Variants in ACSL1 observed in about 807,000 individuals in gnomAD.
ACSL1 encodes long-chain-fatty-acid--CoA ligase 1.
A neutral mutation model predicts 98.4 loss-of-function variants in ACSL1; 41 were observed. That is an observed-to-expected ratio of 0.42 (90% CI 0.32 to 0.54). ACSL1 has a LOEUF of 0.54. ACSL1 is among the 20% of genes least tolerant of loss of function. ACSL1 has a pLI of 0.13. For missense variants in ACSL1, 734 were observed against 883.1 expected (o/e 0.83, Z 2.14); for synonymous variants, 316 against 322.7 (o/e 0.98, Z 0.22).
At chr4:184,813,440 C>G (rs999195807) in intron 1 of ACSL1, among the ~76,000 whole-genome samples, 2 of 152,174 alleles carry the variant, frequency 1.3e-5, no homozygotes, top group African/African-American at 4.8e-5. Flanking sequence ...GCTTTTTAGG[C>G]TGACGCAATC....
chr4:184,824,249 T>C (rs1164198912), intron 1 of ACSL1, among the ~76,000 whole-genome samples: 1 of 152,126 alleles, frequency 6.6e-6, no homozygotes. Context: ...GCTCAGCCTC[T>C]CGAGTAGCTG....
chr4:184,765,136 A>G (rs7654302), intron 14 of ACSL1, among the ~76,000 whole-genome samples: 1 of 152,176 alleles, frequency 6.6e-6, no homozygotes, highest in Non-Finnish European at 1.5e-5. Context: ...TTTAACTTCC[A>G]GTGGCCAAGC....
intron 2 of ACSL1, among the ~76,000 whole-genome samples, chr4:184,791,375 C>T (rs994236910): frequency 2.6e-5 from 4 of 152,202 alleles, no homozygotes. Flanking sequence ...GATGAACAGA[C>T]AGAAGCAAGC....
At chr4:184,809,666 G>A (rs1023318129) in intron 1 of ACSL1, among the ~76,000 whole-genome samples, 48 of 152,202 alleles carry the variant, frequency 3.2e-4, no homozygotes, top group Admixed American at 1.8e-3. Context: ...CGTGGTGGCA[G>A]GCGCCTGTAG....
rs1311797364 is a variant in ACSL1, at chr4:184,757,256, T to C, written c.1966A>G (p.Ile656Val). The change falls in exon 21 of 21, where the codon ATC (isoleucine) becomes GTC (valine). Residue 656 changes from isoleucine to valine, a missense_variant. Transcript: ENST00000281455. The surrounding 1 kb of genome is among the most constrained non-coding windows in gnomAD (Gnocchi z 4.5). The stretch of plus-strand genomic sequence containing the variant: ...GAAAATAATTCAGGGTGCAATGTGA[T>C]GCCTTTGACCTGCCAATAAACAAGG... ...GLKPFEQVKG[I>V]TLHPELFSID... The C allele has an allele frequency of 6.3e-7, 1 of 1,597,756 alleles. No individual in the cohort carries two copies. The highest frequency in any genetic ancestry group is 8.6e-7 in the Non-Finnish European group (1 of 1,167,356).
At chr4:184,811,652 G>A (rs1178878181) in intron 1 of ACSL1, among the ~76,000 whole-genome samples, 10 of 152,014 alleles carry the variant, frequency 6.6e-5, no homozygotes, top group African/African-American at 2.4e-4. Flanking sequence ...GGCTGGGCAG[G>A]GGGAGGAGGA....
chr4:184,800,310 C>T (rs897196067), intron 2 of ACSL1, among the ~76,000 whole-genome samples: 1 of 152,182 alleles, frequency 6.6e-6, no homozygotes, highest in African/African-American at 2.4e-5. Flanking sequence ...ACATCTGCCC[C>T]ATCCCTCTTT....
chr4:184,762,448 C>T lies in ACSL1; in HGVS notation c.1597G>A (p.Asp533Asn). 4 of 1,614,248 alleles carry T rather than the reference C, an allele frequency of 2.5e-6. No individual in the cohort carries two copies. Among genetic ancestry groups the T allele is most frequent in the Non-Finnish European group, 3.4e-6 (4 of 1,180,052 alleles). ...PAKTAEALDK[D>N]GWLHTGDIGK... ...ATGTCCCCTGTGTGTAACCAGCCGT[C>T]TTTGTCCAAAGCTTCTGCTGTTTTC... Residue 533 changes from aspartate (D) to asparagine (N), a missense_variant, in exon 17 of 21, where the codon GAC (aspartate) becomes AAC (asparagine). Asp to Asn is a conservative substitution (Grantham distance 23). Transcript: ENST00000281455.
chr4:184,766,793 C>A lies in ACSL1; in HGVS notation c.1129-37G>T. On this transcript the variant is annotated intron_variant, in intron 12 of 20. Coordinates refer to ENST00000281455, the MANE Select transcript of ACSL1 (RefSeq NM_001995.5). The surrounding 1 kb of genome is among the most constrained non-coding windows in gnomAD (Gnocchi z 4.8). ...AGACATGAGAAAGTTTTCACACCTA[C>A]TAGGATGGCCAGAGTCAAAGAGTGT... The A allele has an allele frequency of 4.4e-6, 7 of 1,592,412 alleles. No individual in the cohort carries two copies. The highest frequency in any genetic ancestry group is 6.0e-6 in the Non-Finnish European group (7 of 1,164,150).
At chr4:184,811,305 G>A (rs552696861) in intron 1 of ACSL1, among the ~76,000 whole-genome samples, 1,549 of 151,986 alleles carry the variant, frequency 0.01, 9 homozygotes, top group South Asian at 0.022. Context: ...GTAGAGACGG[G>A]GTTTCACCGT....
intron 1 of ACSL1, among the ~76,000 whole-genome samples, chr4:184,813,056 A>G (rs1457061965): frequency 6.6e-6 from 1 of 152,172 alleles, no homozygotes; most frequent in African/African-American, 2.4e-5. Flanking sequence ...AACAAAACAT[A>G]TAGCTCTCCT....
chr4:184,773,653 C>A lies in ACSL1; in HGVS notation c.841+10G>T, dbSNP rs1290975082. 8 of 1,609,764 alleles carry A rather than the reference C, an allele frequency of 5.0e-6. No homozygotes were observed. Among genetic ancestry groups the A allele is most frequent in the Admixed American group, 1.7e-5 (1 of 59,238 alleles). ...GCCATATGTAGAAGCAATTCTATCT[C>A]AAAACTCACCTGTAGTTCCACTTGT... is the stretch of plus-strand genomic sequence containing the variant. On this transcript the variant is annotated intron_variant, in intron 9 of 20. Coordinates refer to ENST00000281455, the MANE Select transcript of ACSL1 (RefSeq NM_001995.5). The surrounding 1 kb of genome is among the most constrained non-coding windows in gnomAD (Gnocchi z 4.3).
chr4:184,793,136 G>A (rs983289447), intron 2 of ACSL1, among the ~76,000 whole-genome samples: 1 of 151,270 alleles, frequency 6.6e-6, no homozygotes, highest in African/African-American at 2.4e-5. Flanking sequence ...CAGGCTTTAG[G>A]AGTCTTTTAT....
At chr4:184,820,019 G>T (rs1772934380) in intron 1 of ACSL1, among the ~76,000 whole-genome samples, 1 of 152,032 alleles carries the variant, frequency 6.6e-6, no homozygotes, top group Non-Finnish European at 1.5e-5. Flanking sequence ...CAATACCGAC[G>T]TCCAGCCATT....
At chr4:184,791,953 C>G (rs1768450019) in intron 2 of ACSL1, among the ~76,000 whole-genome samples, 1 of 152,184 alleles carries the variant, frequency 6.6e-6, no homozygotes, top group South Asian at 2.1e-4. Context: ...CAAGACAGGT[C>G]AACCACCTTG....
Position 184,757,861 on chromosome 4 carries a change from C to G in ACSL1, c.1842G>C (p.Lys614Asn), listed in dbSNP as rs775526639. 1.2e-6 allele frequency: 2 copies of G among 1,614,090 alleles called. No homozygotes were observed. Among genetic ancestry groups the G allele is most frequent in the Admixed American group, 3.3e-5 (2 of 60,012 alleles). The change falls in exon 19 of 21, where the codon AAG becomes AAC. Residue 614 changes from lysine to asparagine, a missense_variant. Transcript: ENST00000281455. This position sits in a 1 kb window ranked among gnomAD's most constrained non-coding sequence, Gnocchi z 4.5. ...CCTCAAACGACCCTTCAAATCCTCT[C>G]TTTTGGGCCCAGGAACATAATGTCT... ...DVETLCSWAQ[K>N]RGFEGSFEEL...
intron 3 of ACSL1, among the ~76,000 whole-genome samples, chr4:184,787,400 T>C (rs1767571386): frequency 6.6e-6 from 1 of 151,992 alleles, no homozygotes; most frequent in Non-Finnish European, 1.5e-5. Flanking sequence ...GCAGAAGGAA[T>C]ATAACATGCT....
intron 3 of ACSL1, among the ~76,000 whole-genome samples, chr4:184,786,781 C>T (rs1279058264): frequency 6.6e-6 from 1 of 151,268 alleles, no homozygotes; most frequent in Non-Finnish European, 1.5e-5. Context: ...GCAACCTCCA[C>T]CTCTCCGGTT....
rs146165856 is a variant in ACSL1, at chr4:184,762,445, C to T, written c.1600G>A (p.Gly534Ser). ...CCAATGTCCCCTGTGTGTAACCAGCCGTCTTTGTCCAAAGCTTCTGCTGTT... is the reference window on the plus strand; with the variant it reads ...CCAATGTCCCCTGTGTGTAACCAGCTGTCTTTGTCCAAAGCTTCTGCTGTT... ...AKTAEALDKD[G>S]WLHTGDIGKW... Residue 534 changes from glycine (G) to serine (S), a missense_variant, in exon 17 of 21, where the codon GGC becomes AGC. By Grantham distance (56) the Gly-to-Ser change is moderately conservative. Coordinates refer to ENST00000281455, the MANE Select transcript of ACSL1 (RefSeq NM_001995.5). The T allele has an allele frequency of 8.7e-6, 14 of 1,614,118 alleles. No individual in the cohort carries two copies. The highest frequency in any genetic ancestry group is 4.0e-5 in the African/African-American group (3 of 74,940).
Sources: allele counts gnomAD v4.1 joint callset (sites outside exome capture counted in the v4.1 genomes callset), GRCh38; gene constraint gnomAD v4.1.1; non-coding constraint Gnocchi (gnomAD v3.1); transcripts MANE v1.5; gene names NCBI Gene and HGNC (gene_info 2026-07-23, HGNC 2026-07-21).